MCPH1: variants seen among roughly 807,000 people sequenced by gnomAD.
The protein encoded by MCPH1 is microcephalin 1.
MCPH1 carries 104 observed loss-of-function variants against 84.5 expected under a neutral mutation model. The ratio of observed to expected loss-of-function variants is 1.23; its 90% CI spans 1.05 to 1.45. The LOEUF (loss-of-function observed/expected upper bound fraction) is 1.45, where lower values mean the gene tolerates loss of function less well. MCPH1 is among the 40% of genes most tolerant of loss of function. MCPH1 has a pLI of 0.00. For synonymous variants in MCPH1, 514 were observed against 366.8 expected (o/e 1.40, Z -4.58); for missense variants, 1,498 against 1,005.7 (o/e 1.49, Z -6.62).
intron 12 of MCPH1, among the ~76,000 whole-genome samples, chr8:6,552,694 C>A (rs1285388812): frequency 6.6e-6 from 1 of 152,168 alleles, no homozygotes; most frequent in South Asian, 2.1e-4. Flanking sequence ...CACATAATAA[C>A]CCTACAAGTT....
intron 12 of MCPH1, among the ~76,000 whole-genome samples, chr8:6,569,865 G>A (rs867962274): frequency 6.6e-6 from 1 of 152,110 alleles, no homozygotes; most frequent in African/African-American, 2.4e-5. Context: ...GACTCTTAGC[G>A]GCCTTCAGTT....
chr8:6,473,416 C>T (rs1004341141), intron 9 of MCPH1, among the ~76,000 whole-genome samples: 7 of 146,366 alleles, frequency 4.8e-5, no homozygotes, highest in Non-Finnish European at 7.4e-5. Context: ...CTGCAAGCTC[C>T]GTCTCCCCAG....
chr8:6,459,150 C>T (rs1470318708), intron 9 of MCPH1, among the ~76,000 whole-genome samples: 4 of 152,210 alleles, frequency 2.6e-5, no homozygotes, highest in African/African-American at 9.7e-5. Flanking sequence ...TAGCAGCCTA[C>T]AAATATAATG....
At chr8:6,614,841 C>A (rs905690669) in intron 12 of MCPH1, among the ~76,000 whole-genome samples, 1 of 152,154 alleles carries the variant, frequency 6.6e-6, no homozygotes, top group African/African-American at 2.4e-5. Context: ...GTGAGTTTGA[C>A]TTTTCATTCT....
intron 11 of MCPH1, among the ~76,000 whole-genome samples, chr8:6,493,759 G>A (rs1810926072): frequency 6.6e-6 from 1 of 152,132 alleles, no homozygotes; most frequent in African/African-American, 2.4e-5. Flanking sequence ...TCGTATTCGG[G>A]GGTGGAGATG....
intron 12 of MCPH1, chr8:6,513,671 C>T (rs1047400577): frequency 6.2e-7 from 1 of 1,603,682 alleles, no homozygotes; most frequent in South Asian, 1.1e-5. Flanking sequence ...ACCATGAACT[C>T]ACTTACCTAT....
At chr8:6,528,985 G>T (rs375663857) in intron 12 of MCPH1, among the ~76,000 whole-genome samples, 5 of 152,178 alleles carry the variant, frequency 3.3e-5, no homozygotes, top group Non-Finnish European at 7.4e-5. Context: ...TCTTCTTTGA[G>T]TCCAAACATT....
chr8:6,536,972 G>GGA (rs555098384), intron 12 of MCPH1, among the ~76,000 whole-genome samples: 16 of 102,286 alleles, frequency 1.6e-4, no homozygotes, highest in Non-Finnish European at 2.2e-4. Flanking sequence ...CTTAGTACAA[G>GGA]AAAAAAAAAA....
chr8:6,634,388 T>A (rs1044514665), intron 13 of MCPH1, among the ~76,000 whole-genome samples: 1 of 152,206 alleles, frequency 6.6e-6, no homozygotes, highest in Non-Finnish European at 1.5e-5. Flanking sequence ...CAAGTCTGTA[T>A]TGCTGATGAG....
rs201696439 is a variant in MCPH1 at position 6,444,858 on chromosome 8, G to T, written c.1136G>T (p.Arg379Ile). The part of the protein sequence containing the change: ...EKCKRKRSTR[R>I]SIMPRLQLCR... ...TGCAAGAGAAAGAGGAGCACCAGGA[G>T]ATCTATCATGCCGAGGCTGCAGCTG... The change falls in exon 8 of 14, where the codon AGA becomes ATA. Residue 379 changes from arginine to isoleucine, a missense_variant. Coordinates refer to ENST00000344683, the MANE Select transcript of MCPH1 (RefSeq NM_024596.5). The T allele has an allele frequency of 2.6e-4, 426 of 1,614,084 alleles. No individual in the cohort carries two copies. Among genetic ancestry groups the T allele is most frequent in the Non-Finnish European group, 3.4e-4 (401 of 1,180,050 alleles).
intron 11 of MCPH1, among the ~76,000 whole-genome samples, chr8:6,493,375 A>T (rs1012960795): frequency 6.6e-6 from 1 of 152,232 alleles, no homozygotes; most frequent in Non-Finnish European, 1.5e-5. Flanking sequence ...TTTTCATAAG[A>T]ATATTCAAGC....
Position 6,564,004 on chromosome 8 carries a change from C to T in MCPH1, c.2215-57450C>T, listed in dbSNP as rs142435333. 6.6e-3 allele frequency among the ~76,000 whole-genome samples: 762 copies of T among 115,146 alleles called. 12 individuals carry two copies. The East Asian group carries it at 0.066, about 10-fold the overall frequency. The allele number at this position is 115,146 out of a possible 152,430, so 75.5% of individuals were successfully genotyped here. A position where few individuals can be genotyped will look rare whatever the true frequency, so the allele number is the denominator to read the frequency against. On this transcript the variant is annotated intron_variant, in intron 12 of 13. Coordinates refer to ENST00000344683, the MANE Select transcript of MCPH1 (RefSeq NM_024596.5). The stretch of plus-strand genomic sequence containing the variant: ...TTTTTTTTTTTTTTTTTTTTTGAGA[C>T]GGAGTCTCGCTCTGTCGACCAGGCT...
At chr8:6,525,163 T>C (rs1489701335) in intron 12 of MCPH1, among the ~76,000 whole-genome samples, 1 of 152,252 alleles carries the variant, frequency 6.6e-6, no homozygotes, top group Non-Finnish European at 1.5e-5. Context: ...ACCCATTACA[T>C]ATCTCGCCCA....
chr8:6,416,424 T>G (rs1799312232), intron 3 of MCPH1, among the ~76,000 whole-genome samples: 1 of 152,234 alleles, frequency 6.6e-6, no homozygotes, highest in Non-Finnish European at 1.5e-5. Flanking sequence ...TTTCATTATT[T>G]CGTATGATGG....
intron 11 of MCPH1, among the ~76,000 whole-genome samples, chr8:6,489,778 T>C (rs558524940): frequency 2.6e-5 from 4 of 152,166 alleles, no homozygotes; most frequent in Non-Finnish European, 4.4e-5. Flanking sequence ...GGCGATGTGG[T>C]TGCATTATGG....
chr8:6,451,383 C>G (rs1036646684), intron 8 of MCPH1, among the ~76,000 whole-genome samples: 10 of 152,214 alleles, frequency 6.6e-5, no homozygotes, highest in African/African-American at 2.4e-4. Flanking sequence ...ATAGAAAGCT[C>G]TGTCCCTTGC....
At chr8:6,482,243 C>G (rs527512487) in intron 11 of MCPH1, among the ~76,000 whole-genome samples, 23 of 152,242 alleles carry the variant, frequency 1.5e-4, no homozygotes, top group African/African-American at 5.5e-4. Flanking sequence ...ACGTTGTCCA[C>G]TTAATATGGA....
chr8:6,442,704 C>G (rs1234448471), intron 7 of MCPH1, among the ~76,000 whole-genome samples: 1 of 152,200 alleles, frequency 6.6e-6, no homozygotes, highest in Non-Finnish European at 1.5e-5. Context: ...ATGGTCATAT[C>G]TTCTTCGTAC....
chr8:6,542,247 C>T (rs991260752), intron 12 of MCPH1, among the ~76,000 whole-genome samples: 3 of 151,956 alleles, frequency 2.0e-5, no homozygotes, highest in South Asian at 2.1e-4. Context: ...GTATATCTGT[C>T]TAGAGACATA....
Sources: allele counts gnomAD v4.1 joint callset (sites outside exome capture counted in the v4.1 genomes callset), GRCh38; gene constraint gnomAD v4.1.1; transcripts MANE v1.5; gene names NCBI Gene and HGNC (gene_info 2026-07-23, HGNC 2026-07-21).